EPM2A: variants seen among roughly 807,000 people sequenced by gnomAD.
The protein encoded by EPM2A is EPM2A glucan phosphatase, laforin, also known as laforin.
Under a neutral mutation model 26.5 loss-of-function variants are expected in EPM2A, and 21 were observed. The ratio of observed to expected loss-of-function variants is 0.79; its 90% CI spans 0.56 to 1.14. EPM2A has a LOEUF of 1.14. EPM2A is among the 50% of genes most tolerant of loss of function. The pLI is 0.00. For missense variants in EPM2A, 458 were observed against 440.8 expected (o/e 1.04, Z -0.35); for synonymous variants, 217 against 177.6 (o/e 1.22, Z -1.76).
intron 4 of EPM2A, among the ~76,000 whole-genome samples, chr6:145,418,598 C>T (rs921071570): frequency 2.0e-5 from 3 of 152,188 alleles, no homozygotes; most frequent in African/African-American, 4.8e-5. Flanking sequence ...GCTACCAGTT[C>T]TTCCTTCCTT....
chr6:145,705,442 C>T (rs1417103917), intron 1 of EPM2A: 3 of 397,816 alleles, frequency 7.5e-6, no homozygotes, highest in African/African-American at 2.1e-5. Context: ...GTAGTCTCAG[C>T]TACTTGGGAG....
chr6:145,709,967 C>T (rs1028969973), intron 1 of EPM2A, among the ~76,000 whole-genome samples: 20 of 152,098 alleles, frequency 1.3e-4, no homozygotes, highest in African/African-American at 4.6e-4. Flanking sequence ...AAAATTAATT[C>T]AAGATGGATT....
chr6:145,385,892 C>T (rs1778254277), intron 4 of EPM2A, among the ~76,000 whole-genome samples: 1 of 151,252 alleles, frequency 6.6e-6, no homozygotes, highest in African/African-American at 2.4e-5. Context: ...TTTTTGTATT[C>T]TCCTTCCAGT....
chr6:145,662,317 G>T (rs1010747868), intron 2 of EPM2A, among the ~76,000 whole-genome samples: 28 of 152,028 alleles, frequency 1.8e-4, no homozygotes, highest in African/African-American at 6.5e-4. Context: ...TATAACAAAT[G>T]ATCATTTTTC....
chr6:145,570,442 G>A (rs1255534857), intron 2 of EPM2A, among the ~76,000 whole-genome samples: 2 of 152,214 alleles, frequency 1.3e-5, no homozygotes, highest in African/African-American at 4.8e-5. Flanking sequence ...CTGATGTGAA[G>A]TCAATAAATC....
chr6:145,462,066 T>A (rs1779334063), intron 4 of EPM2A, among the ~76,000 whole-genome samples: 1 of 152,188 alleles, frequency 6.6e-6, no homozygotes, highest in South Asian at 2.1e-4. Flanking sequence ...ATCTCTTTTC[T>A]TCAGTTTCCT....
At chr6:145,607,982 T>C (rs1348634515) in intron 2 of EPM2A, among the ~76,000 whole-genome samples, 1 of 152,234 alleles carries the variant, frequency 6.6e-6, no homozygotes, top group Non-Finnish European at 1.5e-5. Context: ...TAACACTCTG[T>C]CACTGACAAT....
intron 2 of EPM2A, among the ~76,000 whole-genome samples, chr6:145,549,655 C>A (rs1257238105): frequency 6.6e-6 from 1 of 152,094 alleles, no homozygotes; most frequent in Non-Finnish European, 1.5e-5. Context: ...ATTATGGTAG[C>A]AGAGCTGAGC....
chr6:145,494,938 T>C (rs183010970), intron 4 of EPM2A, among the ~76,000 whole-genome samples: 6 of 152,186 alleles, frequency 3.9e-5, no homozygotes, highest in African/African-American at 1.2e-4. Flanking sequence ...AGTAAGATAT[T>C]TGGCAATGAG....
chr6:145,521,304 T>C (rs758261980), intron 2 of EPM2A, among the ~76,000 whole-genome samples: 2 of 152,232 alleles, frequency 1.3e-5, no homozygotes, highest in Non-Finnish European at 1.5e-5. Flanking sequence ...AAGGTAGGCA[T>C]TGAGATTTTG....
chr6:145,464,427 T>C (rs567641415), intron 4 of EPM2A, among the ~76,000 whole-genome samples: 2 of 152,272 alleles, frequency 1.3e-5, no homozygotes, highest in South Asian at 4.1e-4. Flanking sequence ...TACAGAGTTA[T>C]TCAGCACTTG....
intron 2 of EPM2A, among the ~76,000 whole-genome samples, chr6:145,606,157 A>G (rs1176524054): frequency 6.6e-6 from 1 of 152,204 alleles, no homozygotes; most frequent in South Asian, 2.1e-4. Context: ...TTTACTCCAC[A>G]TGAAGGAAAA....
downstream of EPM2A, among the ~76,000 whole-genome samples, chr6:145,621,771 C>T (rs149931813): frequency 6.6e-6 from 1 of 152,198 alleles, no homozygotes; most frequent in Non-Finnish European, 1.5e-5. Context: ...AGGTCCTGTG[C>T]CCATTTTTAG....
At chr6:145,452,517 A>AAAAAAAAC (rs1779210198) in intron 4 of EPM2A, among the ~76,000 whole-genome samples, 1 of 133,398 alleles carries the variant, frequency 7.5e-6, no homozygotes, top group African/African-American at 2.9e-5. Flanking sequence ...AAAAAAAAAA[A>AAAAAAAAC]AAAAAATAGC....
At chr6:145,469,565 A>C (rs923518239) in intron 4 of EPM2A, among the ~76,000 whole-genome samples, 3 of 152,138 alleles carry the variant, frequency 2.0e-5, no homozygotes, top group Non-Finnish European at 4.4e-5. Flanking sequence ...ACTCTCACAT[A>C]CTTTTAGTGG....
intron 4 of EPM2A, among the ~76,000 whole-genome samples, chr6:145,495,785 C>G (rs545044146): frequency 2.0e-5 from 3 of 152,090 alleles, no homozygotes; most frequent in African/African-American, 7.2e-5. Context: ...CCATATTGGC[C>G]GGGTTGGACA....
chr6:145,609,814 C>T (rs1775351559), intron 2 of EPM2A, among the ~76,000 whole-genome samples: 1 of 152,174 alleles, frequency 6.6e-6, no homozygotes, highest in Admixed American at 6.5e-5. Context: ...TAAGGAAAAA[C>T]AGCAAATTGG....
At chr6:145,429,196 G>C (rs959041390) in intron 4 of EPM2A, among the ~76,000 whole-genome samples, 10 of 152,040 alleles carry the variant, frequency 6.6e-5, no homozygotes, top group African/African-American at 9.7e-5. Flanking sequence ...ACCTCTCTCT[G>C]TTTCCATTTC....
At chr6:145,604,540 T>C (rs901170978) in intron 2 of EPM2A, among the ~76,000 whole-genome samples, 2 of 152,130 alleles carry the variant, frequency 1.3e-5, no homozygotes, top group African/African-American at 2.4e-5. Flanking sequence ...CACAGAAAAG[T>C]ATCTTGAAAT....
Sources: gnomAD v4.1 joint callset for allele counts (sites outside exome capture counted in the v4.1 genomes callset) on GRCh38, gnomAD v4.1.1 for gene constraint, MANE v1.5 for transcripts, NCBI Gene and HGNC (gene_info 2026-07-23, HGNC 2026-07-21) for gene names.